PIP5K1B: variants seen among roughly 807,000 people sequenced by gnomAD.
The protein encoded by PIP5K1B is phosphatidylinositol 4-phosphate 5-kinase type-1 beta.
In PIP5K1B, 42 loss-of-function variants were observed where a neutral mutation model predicts 67.0. The observed-to-expected ratio is 0.63, with a 90% confidence interval of 0.49 to 0.81. The LOEUF is 0.81. Among genes scored for constraint, PIP5K1B ranks in the 30% least tolerant of loss-of-function variants. The probability of loss-of-function intolerance (pLI) is 0.00; values close to 1 mark genes in which losing one functional copy is unlikely to be tolerated. For synonymous variants in PIP5K1B, 214 were observed against 231.4 expected (o/e 0.92, Z 0.68); for missense variants, 459 against 646.3 (o/e 0.71, Z 3.14).
intron 4 of PIP5K1B, among the ~76,000 whole-genome samples, chr9:68,863,369 A>G (rs1197454324): frequency 6.6e-6 from 1 of 152,176 alleles, no homozygotes; most frequent in East Asian, 1.9e-4. Context: ...TATTTCTCCT[A>G]TTATGTTGGT....
intron 1 of PIP5K1B, among the ~76,000 whole-genome samples, chr9:68,740,388 A>G (rs904497735): frequency 6.6e-6 from 1 of 152,252 alleles, no homozygotes; most frequent in African/African-American, 2.4e-5. Flanking sequence ...ACAGTATGAT[A>G]CAATGGGTCT....
chr9:68,950,353 C>T (rs1827998138), intron 14 of PIP5K1B, among the ~76,000 whole-genome samples: 1 of 152,140 alleles, frequency 6.6e-6, no homozygotes, highest in African/African-American at 2.4e-5. Context: ...GCTTTGTCCA[C>T]GTGACAGTTG....
At chr9:68,845,158 T>C (rs2132172079) in intron 4 of PIP5K1B, among the ~76,000 whole-genome samples, 1 of 152,324 alleles carries the variant, frequency 6.6e-6, no homozygotes, top group South Asian at 2.1e-4. Context: ...CGTGCTATAA[T>C]GAAGCTGTCT....
At position 68,892,069 on chromosome 9, in the gene PIP5K1B, A is replaced by G. The variant is rs112265284; in HGVS notation, c.472-2270A>G. 3.3e-5 allele frequency among the ~76,000 whole-genome samples: 5 copies of G among 152,304 alleles called. 1 individual carries two copies. The highest frequency in any genetic ancestry group is 1.2e-4 in the African/African-American group (5 of 41,590). On this transcript the variant is annotated intron_variant, in intron 7 of 15. Coordinates refer to ENST00000265382, the MANE Select transcript of PIP5K1B (RefSeq NM_003558.4). ...CAAGACCAATATGAAGGAAACTACA[A>G]AACGTTATTGAAGGACATAAAGAAG...
chr9:68,947,754 A>G (rs1827871182), intron 14 of PIP5K1B, among the ~76,000 whole-genome samples: 1 of 152,224 alleles, frequency 6.6e-6, no homozygotes, highest in Admixed American at 6.5e-5. Flanking sequence ...GATCTGTGCA[A>G]TTAGAGACTC....
At chr9:68,977,154 T>C (rs1829666822) in intron 14 of PIP5K1B, among the ~76,000 whole-genome samples, 1 of 152,240 alleles carries the variant, frequency 6.6e-6, no homozygotes, top group Admixed American at 6.5e-5. Flanking sequence ...AATGTTAGAC[T>C]CTGCCACATA....
At chr9:68,785,592 T>A (rs1202707215) in intron 2 of PIP5K1B, among the ~76,000 whole-genome samples, 3 of 152,198 alleles carry the variant, frequency 2.0e-5, no homozygotes, top group Non-Finnish European at 4.4e-5. Context: ...AGCAAATATA[T>A]CAATGCATTT....
At chr9:68,748,597 G>C in intron 2 of PIP5K1B, among the ~76,000 whole-genome samples, 1 of 145,024 alleles carries the variant, frequency 6.9e-6, no homozygotes, top group Admixed American at 6.9e-5. Context: ...CGGCGGCTGA[G>C]TTTCAGATTT....
At chr9:68,952,817 G>A (rs1365998319) in intron 14 of PIP5K1B, among the ~76,000 whole-genome samples, 1 of 151,500 alleles carries the variant, frequency 6.6e-6, no homozygotes, top group Non-Finnish European at 1.5e-5. Flanking sequence ...CTGCCTGCCT[G>A]CCTGCCTGCC....
At chr9:68,909,340 T>G (rs1331827332) in intron 8 of PIP5K1B, among the ~76,000 whole-genome samples, 1 of 151,262 alleles carries the variant, frequency 6.6e-6, no homozygotes, top group African/African-American at 2.4e-5. Context: ...TTGAAACACA[T>G]CCAAGACATC....
At chr9:68,863,273 A>G (rs566378536) in intron 4 of PIP5K1B, among the ~76,000 whole-genome samples, 3 of 152,334 alleles carry the variant, frequency 2.0e-5, no homozygotes, top group East Asian at 1.9e-4. Context: ...ATGTAGCACT[A>G]CATTAGGCAG....
intron 14 of PIP5K1B, among the ~76,000 whole-genome samples, chr9:68,946,274 G>C (rs1461224502): frequency 6.6e-6 from 1 of 152,214 alleles, no homozygotes; most frequent in Non-Finnish European, 1.5e-5. Context: ...TGTGAACTTT[G>C]CAGCTACCTG....
intron 14 of PIP5K1B, among the ~76,000 whole-genome samples, chr9:68,989,246 C>T (rs1830251993): frequency 6.6e-6 from 1 of 151,882 alleles, no homozygotes; most frequent in African/African-American, 2.4e-5. Context: ...TTCCCAGGTT[C>T]CCAGACGCGG....
At chr9:68,752,050 A>T (rs1829660093) in intron 2 of PIP5K1B, among the ~76,000 whole-genome samples, 1 of 152,176 alleles carries the variant, frequency 6.6e-6, no homozygotes, top group African/African-American at 2.4e-5. Context: ...AAATGTATTA[A>T]AGGTTTTATA....
intron 15 of PIP5K1B, 68 bp downstream of exon 15, chr9:68,991,325 C>G: frequency 1.2e-6 from 1 of 842,826 alleles, no homozygotes; most frequent in Non-Finnish European, 2.1e-6. Flanking sequence ...ATGGCTTACA[C>G]AAGAACAAGT....
chr9:68,832,668 A>C (rs1834381614), intron 4 of PIP5K1B, among the ~76,000 whole-genome samples: 1 of 152,180 alleles, frequency 6.6e-6, no homozygotes. Flanking sequence ...GTTCTGCCCA[A>C]CTTCTGACAT....
intron 2 of PIP5K1B, among the ~76,000 whole-genome samples, chr9:68,810,897 T>G (rs1833128860): frequency 6.6e-6 from 1 of 152,212 alleles, no homozygotes; most frequent in African/African-American, 2.4e-5. Flanking sequence ...CAATATTGAT[T>G]AGACAATCTT....
chr9:68,768,430 CATAAAAATGACAAAGGACT>C (rs1830535644), intron 2 of PIP5K1B, among the ~76,000 whole-genome samples: 1 of 152,036 alleles, frequency 6.6e-6, no homozygotes, highest in South Asian at 2.1e-4. Context: ...GTTGGGTATA[CATAAAAATGACAAAGGACT>C]TTATGGAGCA....
chr9:68,931,799 G>A (rs747458275), intron 12 of PIP5K1B, among the ~76,000 whole-genome samples: 1 of 152,194 alleles, frequency 6.6e-6, no homozygotes, highest in Non-Finnish European at 1.5e-5. Flanking sequence ...GATACCTACT[G>A]CCAGCCATGG....
Sources: gnomAD v4.1 joint callset for allele counts (sites outside exome capture counted in the v4.1 genomes callset) on GRCh38, gnomAD v4.1.1 for gene constraint, MANE v1.5 for transcripts, NCBI Gene and HGNC (gene_info 2026-07-23, HGNC 2026-07-21) for gene names.